RGS3: variants seen among roughly 807,000 people sequenced by gnomAD.
The protein encoded by RGS3 is regulator of G protein signaling 3.
Under a neutral mutation model 132.6 loss-of-function variants are expected in RGS3, and 80 were observed. That is an observed-to-expected ratio of 0.60 (90% CI 0.50 to 0.73). The LOEUF is 0.73. Among genes scored for constraint, RGS3 ranks in the 30% least tolerant of loss-of-function variants. The probability of loss-of-function intolerance (pLI) is 0.00; values close to 1 mark genes in which losing one functional copy is unlikely to be tolerated. For missense variants in RGS3, 1,382 were observed against 1,530.8 expected (o/e 0.90, Z 1.62); for synonymous variants, 598 against 620.6 (o/e 0.96, Z 0.54).
chr9:113,484,072 AGTCAGCTGCTGGGCTTAGGTGG>A (rs1407216529), intron 5 of RGS3, 44 bp from the exon 4 acceptor site: 3 of 940,470 alleles, frequency 3.2e-6, no homozygotes, highest in Non-Finnish European at 5.3e-6. Context: ...AGATGTGCAG[AGTCAGCTGCTGGGCTTAGGTGG>A]GCCATGAGAT....
chr9:113,510,338 G>A (rs1305406763), intron 14 of RGS3, among the ~76,000 whole-genome samples: 1 of 152,226 alleles, frequency 6.6e-6, no homozygotes, highest in East Asian at 1.9e-4. Context: ...TGGCACATTA[G>A]GTTAGAGTGG....
intron 7 of RGS3, among the ~76,000 whole-genome samples, chr9:113,488,054 G>A (rs776071438): frequency 2.0e-4 from 31 of 152,164 alleles, no homozygotes; most frequent in Non-Finnish European, 3.5e-4. Context: ...GCACATTCTA[G>A]ATCTATCACT....
At chr9:113,489,460 A>C (rs1488217654) in intron 7 of RGS3, among the ~76,000 whole-genome samples, 3 of 151,832 alleles carry the variant, frequency 2.0e-5, no homozygotes, top group Admixed American at 6.6e-5. Flanking sequence ...TCCAAAGCAT[A>C]CTCTTTCTGT....
At chr9:113,594,603 A>AG in intron 22 of RGS3, 72 bp downstream of exon 20, 1 of 1,272,936 alleles carries the variant, frequency 7.9e-7, no homozygotes, top group East Asian at 2.3e-5. Context: ...ACTGAGTGGT[A>AG]GGGTTGAGGG....
chr9:113,578,613 G>A (rs1834642565), intron 19 of RGS3, among the ~76,000 whole-genome samples: 1 of 152,148 alleles, frequency 6.6e-6, no homozygotes, highest in Admixed American at 6.5e-5. Flanking sequence ...GTGGTCAAGA[G>A]GCCAGACCTG....
chr9:113,499,701 C>A (rs1673896616), intron 10 of RGS3, among the ~76,000 whole-genome samples: 1 of 152,224 alleles, frequency 6.6e-6, no homozygotes. Flanking sequence ...CCCCATGGAG[C>A]AGTCTAGAGC....
Position 113,565,168 on chromosome 9 carries a change from G to A in RGS3, c.2038-18282G>A, listed in dbSNP as rs1833938045. ...CAGGGGACCCACAGCCTATGCGTGT[G>A]AGCATGTAACCCGGGAGCCAGCTGG... On this transcript the variant is annotated intron_variant, in intron 19 of 24. Coordinates refer to ENST00000350696, the Ensembl canonical transcript of RGS3. The surrounding 1 kb of genome is among the most constrained non-coding windows in gnomAD (Gnocchi z 5.7). 1 of 1,225,212 alleles carries A rather than the reference G, an allele frequency of 8.2e-7. No individual in the cohort carries two copies. Among genetic ancestry groups the A allele is most frequent in the African/African-American group, 1.6e-5 (1 of 63,690 alleles). 75.9% of individuals were successfully genotyped at this position (1,225,212 alleles called of 1,614,324 possible).
chr9:113,570,702 G>A (rs986898141), intron 19 of RGS3, among the ~76,000 whole-genome samples: 3 of 151,910 alleles, frequency 2.0e-5, no homozygotes, highest in Admixed American at 6.6e-5. Flanking sequence ...CCAGGCTGGG[G>A]TGCAGTGCAC....
At chr9:113,524,205 A>G (rs1183680220) in intron 17 of RGS3, among the ~76,000 whole-genome samples, 1 of 152,028 alleles carries the variant, frequency 6.6e-6, no homozygotes, top group East Asian at 1.9e-4. Context: ...CATCCTCTCC[A>G]TACCCCCAGC....
At chr9:113,489,861 A>T (rs1303302939) in intron 7 of RGS3, among the ~76,000 whole-genome samples, 3 of 152,188 alleles carry the variant, frequency 2.0e-5, no homozygotes, top group Non-Finnish European at 2.9e-5. Flanking sequence ...ATTCAGCCAA[A>T]TGTGTGGTGG....
chr9:113,492,965 A>G (rs1246666118), intron 7 of RGS3, among the ~76,000 whole-genome samples: 3 of 152,236 alleles, frequency 2.0e-5, no homozygotes, highest in African/African-American at 4.8e-5. Context: ...AGTGAAGAGC[A>G]GAGAGAGGTT....
chr9:113,531,908 G>A (rs1832484237), intron 18 of RGS3, among the ~76,000 whole-genome samples: 3 of 152,226 alleles, frequency 2.0e-5, no homozygotes, highest in Non-Finnish European at 2.9e-5. Flanking sequence ...TTAATTTATG[G>A]CTGAAGAGGT....
intron 1 of RGS3, among the ~76,000 whole-genome samples, chr9:113,453,315 C>T (rs376553001): frequency 4.1e-5 from 3 of 73,996 alleles, no homozygotes; most frequent in Non-Finnish European, 4.8e-5. Flanking sequence ...TATATGATTA[C>T]ATAATATACT....
intron 1 of RGS3, among the ~76,000 whole-genome samples, chr9:113,452,656 C>T (rs1829270026): frequency 2.6e-5 from 4 of 151,364 alleles, no homozygotes; most frequent in African/African-American, 4.8e-5. Flanking sequence ...ATATCTATTC[C>T]AGTTAATAAT....
At chr9:113,477,696 T>G (rs111228197) in intron 3 of RGS3, among the ~76,000 whole-genome samples, 6,015 of 152,258 alleles carry the variant, frequency 0.04, 150 homozygotes, top group African/African-American at 0.059. Flanking sequence ...CAATGAAAGT[T>G]ACCGAGAGGC....
intron 10 of RGS3, among the ~76,000 whole-genome samples, chr9:113,500,424 A>G (rs1830834078): frequency 6.6e-6 from 1 of 152,214 alleles, no homozygotes; most frequent in Non-Finnish European, 1.5e-5. Flanking sequence ...GGGCAAAAGC[A>G]GCTGGGCTCA....
chr9:113,526,709 C>G (rs574711453), intron 17 of RGS3, among the ~76,000 whole-genome samples: 1 of 152,296 alleles, frequency 6.6e-6, no homozygotes, highest in South Asian at 2.1e-4. Flanking sequence ...AGGAAGCTAT[C>G]TCTGGGGCCC....
At chr9:113,501,696 G>A (rs867660829) in intron 10 of RGS3, 6 of 1,458,922 alleles carry the variant, frequency 4.1e-6, no homozygotes, top group African/African-American at 2.8e-5. Context: ...GGGACCATCT[G>A]AGAAGGATCT....
Position 113,463,150 on chromosome 9 carries a change from G to C in RGS3, c.415+949G>C, listed in dbSNP as rs1372412372. Among the ~76,000 whole-genome samples the C allele has an allele frequency of 6.6e-6, 1 of 152,180 alleles. No individual in the cohort carries two copies. Among genetic ancestry groups the C allele is most frequent in the African/African-American group, 2.4e-5 (1 of 41,446 alleles). On this transcript the variant is annotated intron_variant, in intron 3 of 24. Coordinates refer to ENST00000350696, the Ensembl canonical transcript of RGS3. The surrounding 1 kb of genome is among the most constrained non-coding windows in gnomAD (Gnocchi z 4.6). ...TGTGGGACGGGGGGCCATCAGGTTG[G>C]TTGGAGCAAGCTGCTCCCATCCGGA...
Sources: gnomAD v4.1 joint callset for allele counts (sites outside exome capture counted in the v4.1 genomes callset) on GRCh38, gnomAD v4.1.1 for gene constraint, Gnocchi (gnomAD v3.1) non-coding constraint, MANE v1.5 for transcripts, NCBI Gene and HGNC (gene_info 2026-07-23, HGNC 2026-07-21) for gene names.